MBTD1: variants seen among roughly 807,000 people sequenced by gnomAD.
The protein encoded by MBTD1 is MBT domain-containing protein 1.
In MBTD1, 24 loss-of-function variants were observed where a neutral mutation model predicts 87.8. The ratio of observed to expected loss-of-function variants is 0.27; its 90% CI spans 0.20 to 0.38. The LOEUF is 0.38. Among genes scored for constraint, MBTD1 ranks in the 10% least tolerant of loss-of-function variants. MBTD1 has a pLI of 1.00. For synonymous variants in MBTD1, 237 were observed against 248.6 expected, an observed-to-expected ratio of 0.95 and a Z score of 0.44; for missense variants, 436 against 760.2, an observed-to-expected ratio of 0.57 and a Z score of 5.02.
intron 6 of MBTD1, among the ~76,000 whole-genome samples, chr17:51,210,593 T>C (rs1292192295): frequency 6.6e-6 from 1 of 151,498 alleles, no homozygotes; most frequent in African/African-American, 2.4e-5. Context: ...CTGTCTCTAT[T>C]AAAAATACAA....
chr17:51,212,365 AAAAG>A (rs1372459675), intron 6 of MBTD1, among the ~76,000 whole-genome samples: 51 of 149,422 alleles, frequency 3.4e-4, no homozygotes, highest in Admixed American at 8.6e-4. Flanking sequence ...CTCAAAAAAA[AAAAG>A]AAAAGAAAAG....
intron 7 of MBTD1, among the ~76,000 whole-genome samples, chr17:51,204,413 A>G (rs1410095223): frequency 7.2e-6 from 1 of 138,052 alleles, no homozygotes; most frequent in African/African-American, 2.7e-5. Flanking sequence ...TATATATGTA[A>G]TTATACATAT....
intron 2 of MBTD1, among the ~76,000 whole-genome samples, chr17:51,226,148 C>T (rs2053202934): frequency 6.7e-6 from 1 of 148,940 alleles, no homozygotes; most frequent in Middle Eastern, 3.4e-3. Flanking sequence ...CCAGCCTGGG[C>T]AACATGGTGA....
intron 12 of MBTD1, among the ~76,000 whole-genome samples, chr17:51,197,998 G>C (rs1461163099): frequency 6.6e-6 from 1 of 152,048 alleles, no homozygotes; most frequent in African/African-American, 2.4e-5. Flanking sequence ...ACAATGATGA[G>C]CTTCTACACC....
intron 16 of MBTD1, chr17:51,184,924 G>T (rs575833547): frequency 2.2e-4 from 34 of 152,226 alleles, no homozygotes; most frequent in African/African-American, 8.2e-4. Context: ...TTTGTTTTTC[G>T]TACAAAAGAA....
chr17:51,207,352 A>T (rs1245763638), intron 6 of MBTD1, among the ~76,000 whole-genome samples: 2 of 152,220 alleles, frequency 1.3e-5, no homozygotes, highest in Non-Finnish European at 2.9e-5. Context: ...GAGTGAATAC[A>T]CTTCACCCTA....
chr17:51,242,597 T>C (rs1349812597), intron 2 of MBTD1, among the ~76,000 whole-genome samples: 3 of 152,172 alleles, frequency 2.0e-5, no homozygotes, highest in African/African-American at 7.2e-5. Flanking sequence ...ATCATCCTTA[T>C]TGGATTTATT....
At chr17:51,209,525 T>A (rs1481475193) in intron 6 of MBTD1, 1 of 468,822 alleles carries the variant, frequency 2.1e-6, no homozygotes, top group Non-Finnish European at 4.4e-6. Context: ...TCCACATGAC[T>A]GTAAGAAAAT....
At chr17:51,211,799 A>G (rs2052236766) in intron 6 of MBTD1, among the ~76,000 whole-genome samples, 1 of 152,046 alleles carries the variant, frequency 6.6e-6, no homozygotes, top group African/African-American at 2.4e-5. Flanking sequence ...AAAAACCAAA[A>G]ATGACTCTAC....
chr17:51,232,013 G>A (rs2053577130), intron 2 of MBTD1, among the ~76,000 whole-genome samples: 1 of 151,842 alleles, frequency 6.6e-6, no homozygotes, highest in African/African-American at 2.4e-5. Context: ...ACCCCTGAAA[G>A]GGTCTGCAAC....
chr17:51,178,094 A>ACT lies in MBTD1; in HGVS notation c.*2481_*2482insAG, dbSNP rs2050165298. On this transcript the variant is annotated 3_prime_UTR_variant, in exon 17 of 17. Coordinates refer to ENST00000586178, the MANE Select transcript of MBTD1 (RefSeq NM_017643.3). ...CAAAAGTCCCCAAATAAATCCTAAC[A>ACT]GGAAAAACAAAACAAAACAAAAACA... 3 of 152,234 alleles carry ACT rather than the reference A, an allele frequency of 2.0e-5. No individual in the cohort carries two copies. Among genetic ancestry groups the ACT allele is most frequent in the Non-Finnish European group, 4.4e-5 (3 of 68,026 alleles). 9.4% of individuals were successfully genotyped at this position (152,234 alleles called of 1,614,324 possible).
At chr17:51,259,663 C>G (rs1227523218) in intron 1 of MBTD1, among the ~76,000 whole-genome samples, 172 bp downstream of exon 1, 1 of 151,512 alleles carries the variant, frequency 6.6e-6, no homozygotes, top group Non-Finnish European at 1.5e-5. Context: ...AGGGGAACCC[C>G]TGAATCGTTT....
Position 51,248,866 on chromosome 17 carries a change from T to A in MBTD1, c.-49+10277A>T, listed in dbSNP as rs1413712697. On this transcript the variant is annotated intron_variant, in intron 2 of 16. Coordinates refer to ENST00000586178, the MANE Select transcript of MBTD1 (RefSeq NM_017643.3). Reference sequence around the variant, plus strand: ...GACGGAAGTGCAATGTCCTTTTGCTTTTTGAATTTGTTTTTGTTTTCTTGT... The same window carrying A: ...GACGGAAGTGCAATGTCCTTTTGCTATTTGAATTTGTTTTTGTTTTCTTGT... Among the ~76,000 whole-genome samples, 2 of 152,158 alleles carry A rather than the reference T, an allele frequency of 1.3e-5. 1 individual carries two copies. Among genetic ancestry groups the A allele is most frequent in the Non-Finnish European group, 2.9e-5 (2 of 68,024 alleles).
upstream of MBTD1, chr17:51,260,474 C>T (rs2055410056): frequency 2.5e-6 from 3 of 1,205,426 alleles, no homozygotes; most frequent in Admixed American, 2.8e-5. Context: ...CAAGAGGCTG[C>T]GCAGGCTCCT....
intron 2 of MBTD1, among the ~76,000 whole-genome samples, chr17:51,228,138 CAT>C (rs1457828887): frequency 3.9e-5 from 6 of 152,044 alleles, no homozygotes; most frequent in African/African-American, 1.4e-4. Flanking sequence ...CCAAATACCA[CAT>C]GTTCTCACTT....
At chr17:51,258,093 G>A (rs1016242111) in intron 2 of MBTD1, among the ~76,000 whole-genome samples, 4 of 151,542 alleles carry the variant, frequency 2.6e-5, no homozygotes, top group African/African-American at 9.7e-5. Context: ...AACAGTCTAA[G>A]TCCACAAGAG....
intron 7 of MBTD1, among the ~76,000 whole-genome samples, 157 bp downstream of exon 7, chr17:51,206,727 ATTTG>A (rs1598332992): frequency 6.6e-6 from 1 of 152,166 alleles, no homozygotes; most frequent in African/African-American, 2.4e-5. Flanking sequence ...AGTTGAAAAT[ATTTG>A]TTTGGCTTTT....
chr17:51,186,446 T>TA (rs746373186), intron 16 of MBTD1: 1 of 151,576 alleles, frequency 6.6e-6, no homozygotes, highest in Non-Finnish European at 1.5e-5. Context: ...CTCTCAAATT[T>TA]AAAACAAGAC....
At position 51,217,419 on chromosome 17, in the gene MBTD1, A is replaced by T; in HGVS notation, c.404-3T>A. On this transcript the variant is annotated splice_region_variant and splice_polypyrimidine_tract_variant and intron_variant, in intron 5 of 16. Coordinates refer to ENST00000586178, the MANE Select transcript of MBTD1 (RefSeq NM_017643.3). ...GCTGAAACCTTCCATGGAGACTGCT[A>T]AAATGAAACAAATTTAGATGTATTA... 1 of 1,419,490 alleles carries T rather than the reference A, an allele frequency of 7.0e-7. No homozygotes were observed. The highest frequency in any genetic ancestry group is 9.6e-7 in the Non-Finnish European group (1 of 1,046,658). The allele number at this position is 1,419,490 out of a possible 1,614,324, so 87.9% of individuals were successfully genotyped here.
Sources: allele counts gnomAD v4.1 joint callset (sites outside exome capture counted in the v4.1 genomes callset), GRCh38; gene constraint gnomAD v4.1.1; transcripts MANE v1.5; gene names NCBI Gene and HGNC (gene_info 2026-07-23, HGNC 2026-07-21).